The following ATF7 variants were observed in gnomAD, a reference collection of about 807,000 sequenced individuals.
The protein encoded by ATF7 is cyclic AMP-dependent transcription factor ATF-7.
Under a neutral mutation model 50.4 loss-of-function variants are expected in ATF7, and 10 were observed. The observed-to-expected ratio is 0.20, with a 90% CI of 0.12 to 0.34. ATF7 has a LOEUF of 0.34. Ranked by LOEUF, ATF7 falls within the 10% of genes least tolerant of loss-of-function variation. The pLI is 1.00. For synonymous variants in ATF7, 201 were observed against 226.4 expected, an observed-to-expected ratio of 0.89 and a Z score of 1.01; for missense variants, 465 against 613.9, an observed-to-expected ratio of 0.76 and a Z score of 2.56.
At chr12:53,526,416 CTCTT>C (rs201998189) in intron 9 of ATF7, among the ~76,000 whole-genome samples, 2,366 of 151,992 alleles carry the variant, frequency 0.016, 51 homozygotes, top group African/African-American at 0.055. Flanking sequence ...AATATATTGT[CTCTT>C]CCTTATGATT....
At chr12:53,542,884 G>A in intron 4 of ATF7, 2 of 1,003,366 alleles carry the variant, frequency 2.0e-6, no homozygotes, top group Non-Finnish European at 2.4e-6. Context: ...TTGAAACAAA[G>A]AAGAGTGGAA....
intron 2 of ATF7, among the ~76,000 whole-genome samples, chr12:53,592,353 C>A (rs970172285): frequency 6.6e-6 from 1 of 152,240 alleles, no homozygotes; most frequent in Non-Finnish European, 1.5e-5. Context: ...CTCCATGATG[C>A]TTTCCTTCTT....
intron 2 of ATF7, among the ~76,000 whole-genome samples, chr12:53,599,482 T>TATAC (rs1472580040): frequency 3.3e-5 from 5 of 151,562 alleles, no homozygotes; most frequent in African/African-American, 1.2e-4. Context: ...TATATATATA[T>TATAC]ATGAAATCAC....
chr12:53,552,926 A>G (rs1940472057), intron 2 of ATF7, among the ~76,000 whole-genome samples: 1 of 152,102 alleles, frequency 6.6e-6, no homozygotes, highest in East Asian at 1.9e-4. Context: ...GGAGGCTCCA[A>G]ATGAAAAAAA....
At chr12:53,510,941 T>C (rs1024801144), downstream of ATF7, among the ~76,000 whole-genome samples, 6 of 152,240 alleles carry the variant, frequency 3.9e-5, no homozygotes, top group African/African-American at 1.4e-4. Context: ...TGGACACCCA[T>C]GTGCTCCTGG....
intron 4 of ATF7, among the ~76,000 whole-genome samples, chr12:53,538,289 A>C (rs888980552): frequency 3.3e-5 from 5 of 152,152 alleles, no homozygotes; most frequent in Non-Finnish European, 7.4e-5. Flanking sequence ...CAATTACCAA[A>C]AGCAAACAAA....
At chr12:53,587,845 T>TATATA (rs201911747) in intron 2 of ATF7, among the ~76,000 whole-genome samples, 19 of 31,664 alleles carry the variant, frequency 6.0e-4, no homozygotes, top group African/African-American at 1.7e-3. Flanking sequence ...ATATATATAT[T>TATATA]TTTTTTTTTT....
Position 53,534,580 on chromosome 12 carries a change from C to G in ATF7, c.482G>C (p.Gly161Ala), listed in dbSNP as rs747554656. The G allele has an allele frequency of 6.2e-7, 1 of 1,613,716 alleles. No homozygotes were observed. The highest frequency in any genetic ancestry group is 1.1e-5 in the South Asian group (1 of 91,048). The change falls in exon 6 of 12, where the codon GGC becomes GCC. Residue 161 changes from glycine to alanine, a missense_variant. Coordinates refer to ENST00000420353, the MANE Select transcript of ATF7 (RefSeq NM_006856.3). ...AAGGGTTGGATGAAGTGGATCATAGCCCAAGTGGAGAGGCAGGGAGCCAGG... is the reference window on the plus strand; with the variant it reads ...AAGGGTTGGATGAAGTGGATCATAGGCCAAGTGGAGAGGCAGGGAGCCAGG... ...VRPGSLPLHL[G>A]YDPLHPTLPS...
chr12:53,587,844 T>TATATATATATATATATATATATATATA (rs1491300296), intron 2 of ATF7, among the ~76,000 whole-genome samples: 7 of 40,768 alleles, frequency 1.7e-4, no homozygotes, highest in South Asian at 9.8e-4. Flanking sequence ...TATATATATA[T>TATATATATATATATATATATATATATA]TTTTTTTTTT....
chr12:53,578,401 A>G (rs1015575387), intron 2 of ATF7, among the ~76,000 whole-genome samples: 2 of 151,524 alleles, frequency 1.3e-5, no homozygotes, highest in South Asian at 4.2e-4. Flanking sequence ...AAGGAAAAAT[A>G]AAGACTTTCT....
chr12:53,588,778 TC>T (rs1447880033), intron 2 of ATF7, among the ~76,000 whole-genome samples: 1 of 152,158 alleles, frequency 6.6e-6, no homozygotes, highest in African/African-American at 2.4e-5. Flanking sequence ...TAATTTTCTT[TC>T]CTCTTTAGAA....
chr12:53,549,281 C>T (rs556356317), intron 3 of ATF7, among the ~76,000 whole-genome samples: 141 of 118,972 alleles, frequency 1.2e-3, no homozygotes, highest in African/African-American at 4.5e-3. Flanking sequence ...AACGAGACTC[C>T]GTCTCAAAAA....
intron 2 of ATF7, chr12:53,600,751 A>G: frequency 1.9e-6 from 1 of 523,400 alleles, no homozygotes; most frequent in Middle Eastern, 3.4e-4. Flanking sequence ...TAGAATAACA[A>G]TATGGAAGAC....
At chr12:53,518,404 A>G (rs1334601990) in intron 11 of ATF7, among the ~76,000 whole-genome samples, 1 of 152,242 alleles carries the variant, frequency 6.6e-6, no homozygotes, top group Non-Finnish European at 1.5e-5. Flanking sequence ...TTTTACTACT[A>G]AACACAACTA....
rs767707573 is a variant in ATF7, at chr12:53,532,503, T to C, written c.774+7A>G. 6.4e-7 allele frequency: 1 copy of C among 1,571,836 alleles called. No homozygotes were observed. The highest frequency in any genetic ancestry group is 1.2e-5 in the South Asian group (1 of 86,576). The stretch of plus-strand genomic sequence containing the variant: ...GCCAACATTGCCCCAGACTGGGATG[T>C]ACTCACCATCTTGGCTTCTGATGGT... On this transcript the variant is annotated splice_region_variant and intron_variant, in intron 8 of 11. Transcript: ENST00000420353.
intron 2 of ATF7, among the ~76,000 whole-genome samples, chr12:53,580,663 CAA>C (rs539252431): frequency 4.5e-4 from 17 of 37,712 alleles, no homozygotes; most frequent in East Asian, 2.6e-3. Context: ...GACTCCATCT[CAA>C]AAAAAAAAAA....
chr12:53,605,771 A>G (rs1943574781), intron 1 of ATF7, among the ~76,000 whole-genome samples: 1 of 152,218 alleles, frequency 6.6e-6, no homozygotes, highest in Admixed American at 6.5e-5. Flanking sequence ...TCTGTAATCA[A>G]AAGAGGTATG....
At chr12:53,623,537 T>G (rs4759034) in intron 1 of ATF7, among the ~76,000 whole-genome samples, 19,418 of 152,224 alleles carry the variant, frequency 0.13, 1,312 homozygotes, top group Admixed American at 0.19. Flanking sequence ...TATTAAGGGA[T>G]AAGGGACAAT....
chr12:53,549,153 G>A (rs185562065), intron 3 of ATF7, among the ~76,000 whole-genome samples: 3,142 of 152,068 alleles, frequency 0.021, 60 homozygotes, highest in South Asian at 0.07. Flanking sequence ...CAGGTGTGGC[G>A]GCGGGCGCCT....
Sources: gnomAD v4.1 joint callset for allele counts (sites outside exome capture counted in the v4.1 genomes callset) on GRCh38, gnomAD v4.1.1 for gene constraint, MANE v1.5 for transcripts, NCBI Gene and HGNC (gene_info 2026-07-23, HGNC 2026-07-21) for gene names.